CPD: variants seen among roughly 807,000 people sequenced by gnomAD.
The protein encoded by CPD is metallocarboxypeptidase D.
In CPD, 69 loss-of-function variants were observed where a neutral mutation model predicts 138.3. The observed-to-expected ratio is 0.50, with a 90% confidence interval of 0.41 to 0.61. CPD has a LOEUF of 0.61. Among genes scored for constraint, CPD ranks in the 20% least tolerant of loss-of-function variants. The pLI is 0.00. For missense variants in CPD, 1,432 were observed against 1,733.3 expected (o/e 0.83, Z 3.09); for synonymous variants, 651 against 642.1 (o/e 1.01, Z -0.21).
At chr17:30,384,896 G>C in intron 1 of CPD, 93 bp from the exon 2 acceptor site, 1 of 1,391,298 alleles carries the variant, frequency 7.2e-7, no homozygotes, top group Non-Finnish European at 9.8e-7. Context: ...AGAGATATTG[G>C]AGTTTATTTC....
At chr17:30,444,009 G>A in intron 11 of CPD, 38 bp downstream of exon 11, 1 of 1,600,686 alleles carries the variant, frequency 6.2e-7, no homozygotes, top group Non-Finnish European at 8.5e-7. Flanking sequence ...GTGCTCGGAG[G>A]ACAAACATGG....
chr17:30,396,918 C>A (rs905457786), intron 2 of CPD, among the ~76,000 whole-genome samples: 1 of 151,348 alleles, frequency 6.6e-6, no homozygotes, highest in Non-Finnish European at 1.5e-5. Flanking sequence ...ATTAATCTGC[C>A]TGAGAAAGAT....
intron 13 of CPD, among the ~76,000 whole-genome samples, chr17:30,450,576 G>T (rs1053516025): frequency 2.0e-5 from 3 of 152,158 alleles, no homozygotes; most frequent in Admixed American, 6.5e-5. Context: ...AAAGAACTTT[G>T]ACTGGGGTGT....
chr17:30,404,245 G>T (rs1370780142), intron 2 of CPD, among the ~76,000 whole-genome samples: 1 of 151,960 alleles, frequency 6.6e-6, no homozygotes, highest in Non-Finnish European at 1.5e-5. Context: ...TTTTAAAAAG[G>T]CTTTAAAGCA....
rs1295549988 is a variant in CPD at position 30,464,579 on chromosome 17, G to A, written c.3917-9G>A. On this transcript the variant is annotated splice_polypyrimidine_tract_variant and intron_variant, in intron 20 of 20. Coordinates refer to ENST00000225719, the MANE Select transcript of CPD (RefSeq NM_001304.5). Reference sequence around the variant, plus strand: ...TAATATCACCCACATGATGGTTTTTGTTTGTCAGGTGCTACTATGTCGGCA... The same window carrying A: ...TAATATCACCCACATGATGGTTTTTATTTGTCAGGTGCTACTATGTCGGCA... The A allele has an allele frequency of 6.2e-7, 1 of 1,611,036 alleles. No homozygotes were observed. Among genetic ancestry groups the A allele is most frequent in the Non-Finnish European group, 8.5e-7 (1 of 1,177,950 alleles).
chr17:30,408,913 T>C (rs563861581), intron 2 of CPD, among the ~76,000 whole-genome samples: 2 of 152,166 alleles, frequency 1.3e-5, no homozygotes, highest in South Asian at 4.2e-4. Flanking sequence ...CTTGCAGTAT[T>C]CAAAAAAACT....
rs551801685 is a variant in CPD at position 30,414,585 on chromosome 17, A to G, written c.995-6256A>G. On this transcript the variant is annotated intron_variant, in intron 2 of 20. Coordinates refer to ENST00000225719, the MANE Select transcript of CPD (RefSeq NM_001304.5). Reference sequence around the variant, plus strand: ...GTAACAGAGCGAGACTGTCTCGGAAAAAAAAAAAAAAGAGTGATTGCAGAA... The same window carrying G: ...GTAACAGAGCGAGACTGTCTCGGAAGAAAAAAAAAAAGAGTGATTGCAGAA... Among the ~76,000 whole-genome samples, 3 of 151,974 alleles carry G rather than the reference A, an allele frequency of 2.0e-5. No homozygotes were observed. In the South Asian group the frequency reaches 6.2e-4, roughly 32 times the overall value.
rs181645095 is a variant in CPD at position 30,442,457 on chromosome 17, A to T, written c.2373+7A>T. On this transcript the variant is annotated splice_region_variant and intron_variant, in intron 10 of 20. Transcript: ENST00000225719. ...AATCCAGTTTATGAAACAGGTGACT[A>T]TTCAGGAGTGAAGTATGAAATTTCT... The T allele has an allele frequency of 1.9e-4, 301 of 1,611,910 alleles. No homozygotes were observed. The highest frequency in any genetic ancestry group is 2.4e-4 in the Non-Finnish European group (286 of 1,178,472).
Position 30,381,853 on chromosome 17 carries a change from G to A in CPD, c.746+2127G>A, listed in dbSNP as rs78119120. 0.012 allele frequency among the ~76,000 whole-genome samples: 1,786 copies of A among 151,412 alleles called. 71 individuals carry two copies. In the East Asian group the frequency reaches 0.16, roughly 13 times the overall value. On this transcript the variant is annotated intron_variant, in intron 1 of 20. Transcript: ENST00000225719. ...CGAATTAGATTTTTGTTGTTATTTC[G>A]AATATGTAAAATTTTAAGGCTTAAT...
Position 30,445,743 on chromosome 17 carries a change from G to A in CPD, c.2596G>A (p.Val866Ile). 1 of 1,613,552 alleles carries A rather than the reference G, an allele frequency of 6.2e-7. No individual in the cohort carries two copies. Among genetic ancestry groups the A allele is most frequent in the Non-Finnish European group, 8.5e-7 (1 of 1,179,828 alleles). The change falls in exon 12 of 21, where the codon GTC (valine) becomes ATC (isoleucine). Residue 866 changes from valine to isoleucine, a missense_variant. Val to Ile is a conservative substitution (Grantham distance 29). This residue lies in a region of CPD where 124 missense variants were observed against 117.0 expected (regional missense o/e 1.06). Coordinates refer to ENST00000225719, the MANE Select transcript of CPD (RefSeq NM_001304.5). The stretch of plus-strand genomic sequence containing the variant: ...TGTCAAGAGTGAAGGCGCTATTCAG[G>A]TCAACTTCACACTTGTTCGATCCTC... ...VTVKSEGAIQ[V>I]NFTLVRSSTD...
At chr17:30,427,262 A>G (rs1047030520) in intron 6 of CPD, 129 bp from the exon 7 acceptor site, 3 of 696,668 alleles carry the variant, frequency 4.3e-6, no homozygotes, top group Admixed American at 2.8e-5. Context: ...TCATAATCAT[A>G]GGTGATTGAT....
intron 1 of CPD, among the ~76,000 whole-genome samples, chr17:30,383,861 T>C (rs1054951020): frequency 6.6e-6 from 1 of 152,302 alleles, no homozygotes; most frequent in African/African-American, 2.4e-5. Flanking sequence ...AGAAAAGTAT[T>C]TAATCTCTAC....
intron 1 of CPD, among the ~76,000 whole-genome samples, chr17:30,382,018 TA>T (rs1224870378): frequency 6.6e-6 from 1 of 152,218 alleles, no homozygotes; most frequent in African/African-American, 2.4e-5. Flanking sequence ...AGTTGACTCC[TA>T]TTTTTTTATA....
At chr17:30,448,277 C>T (rs979859503) in intron 12 of CPD, among the ~76,000 whole-genome samples, 1 of 152,012 alleles carries the variant, frequency 6.6e-6, no homozygotes, top group Non-Finnish European at 1.5e-5. Flanking sequence ...GTGGGAGGAT[C>T]GCTTGAGGCC....
chr17:30,385,950 G>A (rs1567864489), intron 2 of CPD, among the ~76,000 whole-genome samples: 1 of 151,856 alleles, frequency 6.6e-6, no homozygotes, highest in Non-Finnish European at 1.5e-5. Context: ...GACCCATAAC[G>A]TCAAGCTGCA....
chr17:30,459,827 C>G (rs992424905), intron 17 of CPD, among the ~76,000 whole-genome samples: 1 of 152,126 alleles, frequency 6.6e-6, no homozygotes, highest in Non-Finnish European at 1.5e-5. Flanking sequence ...ATTGTCCATC[C>G]ACTTCAAATT....
At chr17:30,388,001 A>G (rs1276422200) in intron 2 of CPD, among the ~76,000 whole-genome samples, 3 of 152,196 alleles carry the variant, frequency 2.0e-5, no homozygotes, top group Non-Finnish European at 1.5e-5. Context: ...TCAAGTGTTC[A>G]GCCCTCAGCA....
chr17:30,430,540 T>A (rs1383450975), intron 7 of CPD, among the ~76,000 whole-genome samples: 1 of 152,220 alleles, frequency 6.6e-6, no homozygotes, highest in Non-Finnish European at 1.5e-5. Context: ...ATTTGCTTTA[T>A]CCATTTACGT....
In CPD at chr17:30,427,987, A is replaced by C. The variant is rs115825087; in HGVS notation, c.2017+429A>C. Among the ~76,000 whole-genome samples the C allele has an allele frequency of 8.6e-3, 1,246 of 145,268 alleles. 18 individuals are homozygous for C. The highest frequency in any genetic ancestry group is 0.03 in the African/African-American group (1,162 of 39,054). ...ATAGTTCTTCAGGTATTTTGTATTTATCTCTCACATTGGGAACTTGGTAAC... is the reference window on the plus strand; with the variant it reads ...ATAGTTCTTCAGGTATTTTGTATTTCTCTCTCACATTGGGAACTTGGTAAC... On this transcript the variant is annotated intron_variant, in intron 7 of 20. Transcript: ENST00000225719.
Sources: gnomAD v4.1 joint callset for allele counts (sites outside exome capture counted in the v4.1 genomes callset) on GRCh38, gnomAD v4.1.1 for gene constraint, gnomAD v4.1.1 regional missense constraint, MANE v1.5 for transcripts, NCBI Gene and HGNC (gene_info 2026-07-23, HGNC 2026-07-21) for gene names.